Variants in NRL observed in about 807,000 individuals in gnomAD.
The protein encoded by NRL is neural retina-specific leucine zipper protein.
NRL carries 16 observed loss-of-function variants against 12.5 expected under a neutral mutation model. That is an observed-to-expected ratio of 1.28 (90% CI 0.87 to 1.95). The LOEUF (loss-of-function observed/expected upper bound fraction) is 1.95, where lower values mean the gene tolerates loss of function less well. Ranked by LOEUF, NRL falls within the 30% of genes most tolerant of loss-of-function variation. The probability of loss-of-function intolerance (pLI) is 0.00; values close to 1 mark genes in which losing one functional copy is unlikely to be tolerated. For missense variants in NRL, 314 were observed against 325.8 expected, an observed-to-expected ratio of 0.96 and a Z score of 0.28; for synonymous variants, 142 against 150.9, an observed-to-expected ratio of 0.94 and a Z score of 0.43.
chr14:24,087,270 G>T (rs1287051041), intron 1 of NRL, among the ~76,000 whole-genome samples: 1 of 152,126 alleles, frequency 6.6e-6, no homozygotes, highest in Non-Finnish European at 1.5e-5. Context: ...CAGTAAGAGT[G>T]GTAGAAGGAA....
chr14:24,092,868 C>A (rs2036679335), intron 1 of NRL, among the ~76,000 whole-genome samples: 1 of 152,254 alleles, frequency 6.6e-6, no homozygotes, highest in Non-Finnish European at 1.5e-5. Flanking sequence ...CATCTCCCTG[C>A]TCTGCTTCCT....
chr14:24,091,690 T>C (rs1363094616), intron 1 of NRL, among the ~76,000 whole-genome samples: 1 of 152,140 alleles, frequency 6.6e-6, no homozygotes, highest in African/African-American at 2.4e-5. Context: ...ACCATTTGTG[T>C]GACTTTGAGC....
At chr14:24,110,608 G>C (rs2037404679) in intron 1 of NRL, 1 of 155,250 alleles carries the variant, frequency 6.4e-6, no homozygotes, top group Non-Finnish European at 1.4e-5. Context: ...CATTTTAATA[G>C]CTACCTGGTA....
rs978296737 is a variant in NRL at position 24,081,798 on chromosome 14, T to C, written c.382-230A>G. The C allele has an allele frequency of 1.5e-5, 22 of 1,492,342 alleles. No individual in the cohort carries two copies. The Admixed American group carries it at 4.6e-4, about 31-fold the overall frequency. 92.4% of individuals were successfully genotyped at this position (1,492,342 alleles called of 1,614,324 possible). ...CTCCAGTCAGGCGGGCGCCCCACGG[T>C]GCAGGGCCGGCCACGGTCAGGCGAG... On this transcript the variant is annotated intron_variant, in intron 2 of 2. Coordinates refer to ENST00000561028, the MANE Select transcript of NRL (RefSeq NM_001354768.3). This position sits in a 1 kb window ranked among gnomAD's most constrained non-coding sequence, Gnocchi z 4.4.
rs954229849 is a variant in NRL, at chr14:24,094,708, T to C, written c.-27-11833A>G. The C allele has an allele frequency of 4.6e-6, 7 of 1,510,588 alleles. No individual in the cohort carries two copies. In the African/African-American group the frequency reaches 8.3e-5, roughly 18 times the overall value. The allele number at this position is 1,510,588 out of a possible 1,614,324, so 93.6% of individuals were successfully genotyped here. A position where few individuals can be genotyped will look rare whatever the true frequency, so the allele number is the denominator to read the frequency against. On this transcript the variant is annotated intron_variant, in intron 1 of 2. Transcript: ENST00000561028. The surrounding 1 kb of genome is among the most constrained non-coding windows in gnomAD (Gnocchi z 4.1). Reference sequence around the variant, plus strand: ...TATCTGCCACTCTCAGAACTTCCTCTCTCTCCTCGCTCCTCTCTGCTGAGC... The same window carrying C: ...TATCTGCCACTCTCAGAACTTCCTCCCTCTCCTCGCTCCTCTCTGCTGAGC...
At chr14:24,099,389 G>C in intron 1 of NRL, 2 of 995,852 alleles carry the variant, frequency 2.0e-6, no homozygotes, top group African/African-American at 3.3e-5. Flanking sequence ...TCAGGCTGCT[G>C]AATGTTGAGG....
chr14:24,103,929 C>G, intron 1 of NRL: 2 of 1,614,018 alleles, frequency 1.2e-6, no homozygotes, highest in Non-Finnish European at 1.7e-6. Flanking sequence ...GTTGGCTGAG[C>G]TTGAGGCCCT....
intron 1 of NRL, chr14:24,095,158 C>T (rs888196510): frequency 2.2e-6 from 1 of 456,106 alleles, no homozygotes. Flanking sequence ...GTCCCAGAGT[C>T]GGAAGTGACC....
chr14:24,096,230 T>C (rs2036875526), intron 1 of NRL, among the ~76,000 whole-genome samples: 1 of 5,602 alleles, frequency 1.8e-4, no homozygotes, highest in Non-Finnish European at 5.0e-4. Flanking sequence ...ACTCATTTCT[T>C]TTTTTTTTTT....
intron 1 of NRL, among the ~76,000 whole-genome samples, chr14:24,109,697 C>CAA (rs1227097594): frequency 9.0e-5 from 6 of 66,318 alleles, no homozygotes; most frequent in Admixed American, 1.7e-4. Flanking sequence ...GACTCCATCT[C>CAA]AAAAAAAAAA....
intron 1 of NRL, chr14:24,099,538 CCT>C (rs756869059): frequency 6.4e-7 from 1 of 1,556,452 alleles, no homozygotes; most frequent in Non-Finnish European, 8.7e-7. Flanking sequence ...TTTCTTATTC[CCT>C]CTCTCCCCAA....
chr14:24,103,868 C>T (rs754386736), intron 1 of NRL: 3 of 1,614,016 alleles, frequency 1.9e-6, no homozygotes, highest in Admixed American at 3.3e-5. Flanking sequence ...AGGTTCGTGA[C>T]ATTCGGAGCT....
chr14:24,086,295 T>G (rs1034241705), intron 1 of NRL, among the ~76,000 whole-genome samples: 3 of 152,110 alleles, frequency 2.0e-5, no homozygotes, highest in Admixed American at 2.0e-4. Context: ...TGGGGAGGCA[T>G]GTATATATGT....
intron 1 of NRL, chr14:24,100,318 G>A: frequency 6.6e-7 from 1 of 1,521,092 alleles, no homozygotes; most frequent in Non-Finnish European, 8.8e-7. Context: ...CTGCCAGGAG[G>A]CACAGAAGTC....
chr14:24,103,129 C>A, intron 1 of NRL: 1 of 1,543,282 alleles, frequency 6.5e-7, no homozygotes, highest in Non-Finnish European at 9.0e-7. Flanking sequence ...AAGAAAAGGG[C>A]TGCCTGTGAC....
chr14:24,081,585 C>G lies in NRL; in HGVS notation c.382-17G>C, dbSNP rs777116456. ...CTCTGCCAGCTGCGGAGGGAGAATG[C>G]AGAAACCGGGTCAGCGCCAGGTCGC... On this transcript the variant is annotated splice_polypyrimidine_tract_variant and intron_variant, in intron 2 of 2. Coordinates refer to ENST00000561028, the MANE Select transcript of NRL (RefSeq NM_001354768.3). The surrounding 1 kb of genome is among the most constrained non-coding windows in gnomAD (Gnocchi z 4.4). 1.5e-5 allele frequency: 23 copies of G among 1,580,394 alleles called. No individual in the cohort carries two copies. Among genetic ancestry groups the G allele is most frequent in the Middle Eastern group, 1.7e-4 (1 of 5,892 alleles).
chr14:24,108,797 C>G (rs1594321102), intron 1 of NRL, among the ~76,000 whole-genome samples: 1 of 152,170 alleles, frequency 6.6e-6, no homozygotes, highest in East Asian at 1.9e-4. Context: ...AGCACACTCT[C>G]CATTTCCATC....
intron 1 of NRL, among the ~76,000 whole-genome samples, chr14:24,097,390 A>G (rs1265294387): frequency 2.0e-5 from 2 of 100,876 alleles, no homozygotes; most frequent in African/African-American, 6.1e-5. Flanking sequence ...GTCTCTACTG[A>G]AAAAAAAAAA....
At chr14:24,089,517 A>G (rs1214245668) in intron 1 of NRL, among the ~76,000 whole-genome samples, 1 of 152,202 alleles carries the variant, frequency 6.6e-6, no homozygotes, top group Non-Finnish European at 1.5e-5. Context: ...AAGTGCTGGG[A>G]TTACAAGGCA....
Sources: gnomAD v4.1 joint callset for allele counts (sites outside exome capture counted in the v4.1 genomes callset) on GRCh38, gnomAD v4.1.1 for gene constraint, Gnocchi (gnomAD v3.1) non-coding constraint, MANE v1.5 for transcripts, NCBI Gene and HGNC (gene_info 2026-07-23, HGNC 2026-07-21) for gene names.